Variants in KALRN observed in about 807,000 individuals in gnomAD.
KALRN encodes kalirin.
Under a neutral mutation model 353.7 loss-of-function variants are expected in KALRN, and 70 were observed. The observed-to-expected ratio is 0.20, with a 90% confidence interval of 0.16 to 0.24. KALRN has a LOEUF of 0.24. KALRN is among the 10% of genes least tolerant of loss of function. The pLI is 1.00. For missense variants in KALRN, 2,791 were observed against 3,756.7 expected, an observed-to-expected ratio of 0.74 and a Z score of 6.72; for synonymous variants, 1,391 against 1,434.8, an observed-to-expected ratio of 0.97 and a Z score of 0.69.
chr3:124,484,929 C>A (rs1354952146), intron 28 of KALRN, among the ~76,000 whole-genome samples: 1 of 152,070 alleles, frequency 6.6e-6, no homozygotes. Context: ...CATGGCGAAA[C>A]CCCGTCTCTA....
intron 3 of KALRN, among the ~76,000 whole-genome samples, chr3:124,244,191 C>A (rs558328725): frequency 2.6e-5 from 4 of 152,130 alleles, no homozygotes; most frequent in Non-Finnish European, 5.9e-5. Context: ...ACTGCACCAC[C>A]TAGAGATAAT....
At chr3:124,363,973 G>A (rs1444573709) in intron 10 of KALRN, among the ~76,000 whole-genome samples, 1 of 152,172 alleles carries the variant, frequency 6.6e-6, no homozygotes, top group African/African-American at 2.4e-5. Context: ...AGAAAAATGG[G>A]CAGCCCTGCC....
chr3:124,184,333 A>G (rs1251063213), intron 1 of KALRN, among the ~76,000 whole-genome samples: 4 of 152,268 alleles, frequency 2.6e-5, no homozygotes, highest in Non-Finnish European at 5.9e-5. Flanking sequence ...TGAAGAGCTT[A>G]GAAGAATGTA....
intron 34 of KALRN, among the ~76,000 whole-genome samples, chr3:124,606,684 G>T (rs997334932): frequency 6.6e-6 from 1 of 152,150 alleles, no homozygotes; most frequent in Non-Finnish European, 1.5e-5. Context: ...TATAAAGGAA[G>T]TTAAAACAAA....
intron 10 of KALRN, among the ~76,000 whole-genome samples, chr3:124,353,242 T>C (rs1050808224): frequency 7.2e-5 from 11 of 152,114 alleles, no homozygotes; most frequent in Non-Finnish European, 1.6e-4. Context: ...TCAGTGACCT[T>C]GCCCACCGAA....
intron 55 of KALRN, among the ~76,000 whole-genome samples, chr3:124,698,336 T>C (rs888405652): frequency 5.3e-5 from 8 of 152,230 alleles, no homozygotes; most frequent in African/African-American, 1.9e-4. Context: ...ATTGTGAACA[T>C]ATTAGCCTCC....
chr3:124,495,633 G>C (rs1037701258), intron 32 of KALRN, among the ~76,000 whole-genome samples: 2 of 150,620 alleles, frequency 1.3e-5, no homozygotes, highest in Non-Finnish European at 2.9e-5. Context: ...AGCTACTTGG[G>C]AGGCTGAGGC....
chr3:124,537,427 G>T (rs958132733), intron 33 of KALRN, among the ~76,000 whole-genome samples: 2 of 152,210 alleles, frequency 1.3e-5, no homozygotes, highest in Non-Finnish European at 2.9e-5. Context: ...CAAAAAATGT[G>T]CTGGAATAGA....
intron 34 of KALRN, among the ~76,000 whole-genome samples, chr3:124,628,473 C>G (rs68055131): frequency 1.1e-5 from 1 of 88,306 alleles, no homozygotes; most frequent in Non-Finnish European, 2.2e-5. Context: ...TCCCTTCCTT[C>G]CCTTCCTTCC....
chr3:124,625,074 A>G (rs1365827298), intron 34 of KALRN, among the ~76,000 whole-genome samples: 1 of 152,210 alleles, frequency 6.6e-6, no homozygotes, highest in Non-Finnish European at 1.5e-5. Context: ...ATTAATTTTT[A>G]TTTAACAAAT....
chr3:124,161,174 C>T (rs893193850), intron 1 of KALRN, among the ~76,000 whole-genome samples: 3 of 152,144 alleles, frequency 2.0e-5, no homozygotes, highest in Non-Finnish European at 4.4e-5. Context: ...ATACCTCCAT[C>T]CCTCCCCCAA....
At chr3:124,528,550 G>A (rs1169060774) in intron 33 of KALRN, among the ~76,000 whole-genome samples, 1 of 152,140 alleles carries the variant, frequency 6.6e-6, no homozygotes, top group Non-Finnish European at 1.5e-5. Flanking sequence ...GTGCCCTCAA[G>A]AGACAAGCTT....
chr3:124,491,489 T>G, intron 31 of KALRN, 65 bp downstream of exon 31: 1 of 1,243,510 alleles, frequency 8.0e-7, no homozygotes, highest in Non-Finnish European at 1.1e-6. Flanking sequence ...GGTGGGCAAG[T>G]GACACCTCAA....
chr3:124,673,174 T>C (rs75919677), intron 48 of KALRN, among the ~76,000 whole-genome samples: 4,240 of 151,926 alleles, frequency 0.028, 80 homozygotes, highest in East Asian at 0.079. Flanking sequence ...GGCTTGGGCT[T>C]AAGAGCTCAA....
intron 6 of KALRN, among the ~76,000 whole-genome samples, chr3:124,317,622 A>G (rs540753143): frequency 4.0e-5 from 6 of 150,954 alleles, no homozygotes; most frequent in Non-Finnish European, 5.9e-5. Context: ...ATTCTGATTC[A>G]GAAAGTTGGG....
intron 1 of KALRN, among the ~76,000 whole-genome samples, chr3:124,061,519 T>C (rs1396787530): frequency 6.6e-6 from 1 of 152,230 alleles, no homozygotes; most frequent in Non-Finnish European, 1.5e-5. Flanking sequence ...AAGTGCTGCT[T>C]TGTTTCCTAA....
chr3:124,557,791 C>T (rs2109758747), intron 33 of KALRN, among the ~76,000 whole-genome samples: 1 of 152,254 alleles, frequency 6.6e-6, no homozygotes, highest in African/African-American at 2.4e-5. Context: ...GCACAGCTCC[C>T]CCTCTGTCAA....
chr3:124,277,478 G>A (rs1459220353), intron 5 of KALRN, among the ~76,000 whole-genome samples: 1 of 152,092 alleles, frequency 6.6e-6, no homozygotes. Context: ...TGGGAATTTC[G>A]ACTTACTTTT....
intron 9 of KALRN, 21 bp from the exon 10 acceptor site, chr3:124,347,122 C>T (rs746710745): frequency 1.2e-6 from 2 of 1,613,742 alleles, no homozygotes; most frequent in Admixed American, 3.3e-5. Flanking sequence ...GTCATTGTTG[C>T]TGTTATCCTT....
Sources: gnomAD v4.1 joint callset for allele counts (sites outside exome capture counted in the v4.1 genomes callset) on GRCh38, gnomAD v4.1.1 for gene constraint, MANE v1.5 for transcripts, NCBI Gene and HGNC (gene_info 2026-07-23, HGNC 2026-07-21) for gene names.